Variants in CDH13 observed in about 807,000 individuals in gnomAD.
CDH13 encodes cadherin-13.
CDH13 carries 24 observed loss-of-function variants against 63.8 expected under a neutral mutation model. The ratio of observed to expected loss-of-function variants is 0.38; its 90% CI spans 0.27 to 0.53. The LOEUF (loss-of-function observed/expected upper bound fraction) is 0.53, where lower values mean the gene tolerates loss of function less well. Ranked by LOEUF, CDH13 falls within the 20% of genes least tolerant of loss-of-function variation. The pLI is 0.85. For synonymous variants in CDH13, 503 were observed against 355.3 expected (o/e 1.42, Z -4.67); for missense variants, 1,049 against 903.1 (o/e 1.16, Z -2.07).
intron 1 of CDH13, among the ~76,000 whole-genome samples, chr16:82,650,630 T>C (rs1910616192): frequency 6.6e-6 from 1 of 152,168 alleles, no homozygotes; most frequent in Admixed American, 6.5e-5. Flanking sequence ...CTTTCTTTGG[T>C]TGGCTCTCCT....
chr16:82,777,456 G>C (rs2035550543), intron 1 of CDH13, among the ~76,000 whole-genome samples: 2 of 152,180 alleles, frequency 1.3e-5, no homozygotes, highest in South Asian at 4.1e-4. Flanking sequence ...TTTGTGAATG[G>C]TGCCTCCAAG....
chr16:83,351,929 C>T (rs558336912), intron 6 of CDH13, among the ~76,000 whole-genome samples: 51 of 152,226 alleles, frequency 3.4e-4, no homozygotes, highest in Non-Finnish European at 5.0e-4. Flanking sequence ...TCAGTATCTA[C>T]AAGTTTTTGT....
chr16:83,431,218 T>C (rs996040307), intron 6 of CDH13, among the ~76,000 whole-genome samples: 5 of 151,938 alleles, frequency 3.3e-5, no homozygotes, highest in Admixed American at 1.3e-4. Context: ...AGTCTATCAT[T>C]GTTGGACATT....
intron 3 of CDH13, among the ~76,000 whole-genome samples, chr16:83,080,087 C>G (rs994814369): frequency 6.6e-6 from 1 of 152,162 alleles, no homozygotes; most frequent in Non-Finnish European, 1.5e-5. Flanking sequence ...CGACAGCAAT[C>G]TTGTGGCCTG....
chr16:83,294,700 A>T (rs1388622418), intron 5 of CDH13, among the ~76,000 whole-genome samples: 1 of 152,058 alleles, frequency 6.6e-6, no homozygotes, highest in African/African-American at 2.4e-5. Context: ...TTACACTGAA[A>T]ACTATAAAAC....
At chr16:83,375,217 A>G (rs186974392) in intron 6 of CDH13, among the ~76,000 whole-genome samples, 5 of 152,330 alleles carry the variant, frequency 3.3e-5, no homozygotes, top group African/African-American at 1.2e-4. Context: ...ATCTGTTTAC[A>G]TTACATAGAA....
chr16:82,685,824 C>T (rs569609653), intron 1 of CDH13, among the ~76,000 whole-genome samples: 8 of 152,172 alleles, frequency 5.3e-5, no homozygotes, highest in African/African-American at 1.9e-4. Context: ...TGCTTAGATG[C>T]CACTTCAGAG....
chr16:83,245,040 A>G (rs1241913346), intron 5 of CDH13, among the ~76,000 whole-genome samples: 1 of 152,088 alleles, frequency 6.6e-6, no homozygotes, highest in Non-Finnish European at 1.5e-5. Flanking sequence ...ATACCAGCCA[A>G]GAGCCAACCT....
At chr16:83,619,905 T>C (rs1026099651) in intron 8 of CDH13, among the ~76,000 whole-genome samples, 3 of 152,046 alleles carry the variant, frequency 2.0e-5, no homozygotes, top group Admixed American at 6.5e-5. Flanking sequence ...GAAGCGTCCG[T>C]GGGAAGACCC....
chr16:83,473,062 A>C (rs1476938899), intron 6 of CDH13, among the ~76,000 whole-genome samples: 1 of 152,176 alleles, frequency 6.6e-6, no homozygotes, highest in South Asian at 2.1e-4. Flanking sequence ...GACAGTCCAG[A>C]AGGCCCCCTC....
At chr16:83,062,154 A>C (rs1006244273) in intron 3 of CDH13, among the ~76,000 whole-genome samples, 49 of 152,302 alleles carry the variant, frequency 3.2e-4, no homozygotes, top group Admixed American at 2.7e-3. Context: ...TCTAGGAATA[A>C]TGATGTCAAA....
At chr16:82,803,993 G>C (rs1757917239) in intron 1 of CDH13, among the ~76,000 whole-genome samples, 1 of 152,178 alleles carries the variant, frequency 6.6e-6, no homozygotes, top group South Asian at 2.1e-4. Flanking sequence ...ACTTTGGGAG[G>C]CTGAGGTGGG....
intron 8 of CDH13, among the ~76,000 whole-genome samples, chr16:83,647,369 G>T (rs146194300): frequency 9.9e-4 from 150 of 151,536 alleles, no homozygotes; most frequent in Middle Eastern, 3.5e-3. Context: ...CCTGTAGGAA[G>T]TACCGTGTTG....
Position 83,420,415 on chromosome 16 carries a change from C to A in CDH13, c.782-66062C>A, listed in dbSNP as rs189780757. Among the ~76,000 whole-genome samples the A allele has an allele frequency of 1.6e-4, 25 of 152,294 alleles. No individual in the cohort carries two copies. In the East Asian group the frequency reaches 4.6e-3, roughly 28 times the overall value. ...AGGAAAAATTGTTCAGTACCAAGGA[C>A]AGCTCCCTAGAAAGCTTTTATTCCC... On this transcript the variant is annotated intron_variant, in intron 6 of 13. Coordinates refer to ENST00000567109, the MANE Select transcript of CDH13 (RefSeq NM_001257.5).
rs1355118748 is a variant in CDH13, at chr16:82,726,879, C to T, written c.45+99742C>T. Among the ~76,000 whole-genome samples the T allele has an allele frequency of 2.0e-5, 3 of 152,194 alleles. No individual in the cohort carries two copies. In the South Asian group the frequency reaches 6.2e-4, roughly 32 times the overall value. Reference sequence around the variant, plus strand: ...TATCCCCATTTCCCAGATGAAAACACTGAGGCACAGAGCTGTATTCTGTCT... The same window carrying T: ...TATCCCCATTTCCCAGATGAAAACATTGAGGCACAGAGCTGTATTCTGTCT... On this transcript the variant is annotated intron_variant, in intron 1 of 13. Transcript: ENST00000567109.
intron 4 of CDH13, among the ~76,000 whole-genome samples, chr16:83,144,844 G>T (rs1459996274): frequency 6.6e-6 from 1 of 152,312 alleles, no homozygotes; most frequent in South Asian, 2.1e-4. Flanking sequence ...AAGCGTTCAT[G>T]GAAATGGCCT....
At chr16:82,938,544 G>T (rs1402502215) in intron 2 of CDH13, among the ~76,000 whole-genome samples, 1 of 152,178 alleles carries the variant, frequency 6.6e-6, no homozygotes, top group Non-Finnish European at 1.5e-5. Context: ...ATCAGCAGGG[G>T]CCTTCTGAGA....
At chr16:82,681,440 G>A (rs975465855) in intron 1 of CDH13, among the ~76,000 whole-genome samples, 1 of 152,218 alleles carries the variant, frequency 6.6e-6, no homozygotes, top group Non-Finnish European at 1.5e-5. Context: ...TGGTTGCACA[G>A]CATTGATAGT....
At chr16:82,987,090 A>G (rs904815135) in intron 2 of CDH13, among the ~76,000 whole-genome samples, 3 of 152,192 alleles carry the variant, frequency 2.0e-5, no homozygotes, top group African/African-American at 7.2e-5. Context: ...TATGGAGAGG[A>G]CATGTGAATC....
Sources: allele counts gnomAD v4.1 joint callset (sites outside exome capture counted in the v4.1 genomes callset), GRCh38; gene constraint gnomAD v4.1.1; transcripts MANE v1.5; gene names NCBI Gene and HGNC (gene_info 2026-07-23, HGNC 2026-07-21).